The following THRB variants were observed in gnomAD, a reference collection of about 807,000 sequenced individuals.
The protein encoded by THRB is nuclear receptor subfamily 1 group A member 2.
A neutral mutation model predicts 47.8 loss-of-function variants in THRB; 12 were observed. The ratio of observed to expected loss-of-function variants is 0.25; its 90% CI spans 0.16 to 0.41. THRB has a LOEUF of 0.41. Ranked by LOEUF, THRB falls within the 10% of genes least tolerant of loss-of-function variation. THRB has a pLI of 1.00. For missense variants in THRB, 348 were observed against 589.2 expected, an observed-to-expected ratio of 0.59 and a Z score of 4.24; for synonymous variants, 218 against 212.2, an observed-to-expected ratio of 1.03 and a Z score of -0.24.
chr3:24,372,096 A>G (rs574212805), intron 1 of THRB, among the ~76,000 whole-genome samples: 1 of 152,204 alleles, frequency 6.6e-6, no homozygotes, highest in South Asian at 2.1e-4. Context: ...AGACAGATGG[A>G]GCAGGTATTG....
At chr3:24,299,829 T>G (rs1169031307) in intron 2 of THRB, among the ~76,000 whole-genome samples, 1 of 146,126 alleles carries the variant, frequency 6.8e-6, no homozygotes, top group Non-Finnish European at 1.5e-5. Context: ...TTTATACCTT[T>G]AAATGCATGT....
chr3:24,290,813 A>G (rs1436140403), intron 3 of THRB, among the ~76,000 whole-genome samples: 1 of 152,216 alleles, frequency 6.6e-6, no homozygotes, highest in Non-Finnish European at 1.5e-5. Context: ...CCTAGAAGCT[A>G]ATATTTTTCT....
At chr3:24,189,855 C>T (rs2043105064) in intron 5 of THRB, among the ~76,000 whole-genome samples, 1 of 152,208 alleles carries the variant, frequency 6.6e-6, no homozygotes, top group Non-Finnish European at 1.5e-5. Context: ...TGTCCCAGCA[C>T]AACGTGAAAC....
chr3:24,413,215 C>T (rs1381426188), intron 1 of THRB, among the ~76,000 whole-genome samples: 1 of 151,788 alleles, frequency 6.6e-6, no homozygotes, highest in Non-Finnish European at 1.5e-5. Flanking sequence ...TGTGATGCAT[C>T]CAGCAAATGT....
rs148483593 is a variant in THRB, at chr3:24,369,205, G to C, written c.-260-31834C>G. On this transcript the variant is annotated intron_variant, in intron 1 of 10. Transcript: ENST00000646209. Reference sequence around the variant, plus strand: ...TAAATAAATGCCAATGCTGGAAAGAGAAGTAAAAAGGTGGAGACAGAGGGG... The same window carrying C: ...TAAATAAATGCCAATGCTGGAAAGACAAGTAAAAAGGTGGAGACAGAGGGG... Among the ~76,000 whole-genome samples, 279 of 152,208 alleles carry C rather than the reference G, an allele frequency of 1.8e-3. 1 individual carries two copies. Among genetic ancestry groups the C allele is most frequent in the African/African-American group, 6.6e-3 (274 of 41,560 alleles).
rs113786138 is a variant in THRB at position 24,409,206 on chromosome 3, C to T, written c.-260-71835G>A. ...ACCAATCCCTGACTACAGATTTAAA[C>T]GCATGAAAACTAAAGATAAAGGCCC... On this transcript the variant is annotated intron_variant, in intron 1 of 10. Coordinates refer to ENST00000646209, the MANE Select transcript of THRB (RefSeq NM_001354712.2). Among the ~76,000 whole-genome samples the T allele has an allele frequency of 1.4e-4, 21 of 151,832 alleles. No homozygotes were observed. The South Asian group carries it at 3.9e-3, about 29-fold the overall frequency.
intron 5 of THRB, among the ~76,000 whole-genome samples, chr3:24,159,400 C>T (rs559657147): frequency 2.0e-4 from 30 of 152,202 alleles, no homozygotes; most frequent in Non-Finnish European, 3.1e-4. Context: ...TATAAATAAG[C>T]AAACATGATG....
At chr3:24,251,686 C>T (rs1337829567) in intron 3 of THRB, among the ~76,000 whole-genome samples, 1 of 151,770 alleles carries the variant, frequency 6.6e-6, no homozygotes, top group Non-Finnish European at 1.5e-5. Context: ...TCAAGGAACC[C>T]CCCTCCTCTC....
chr3:24,279,052 C>T (rs2054240423), intron 3 of THRB, among the ~76,000 whole-genome samples: 2 of 152,074 alleles, frequency 1.3e-5, no homozygotes, highest in Admixed American at 6.5e-5. Flanking sequence ...ACTATATTGC[C>T]TAGGCTGGTC....
intron 1 of THRB, among the ~76,000 whole-genome samples, chr3:24,429,434 T>C (rs1329649980): frequency 6.6e-6 from 1 of 151,966 alleles, no homozygotes; most frequent in African/African-American, 2.4e-5. Flanking sequence ...CTGTAGAATA[T>C]GGCATGAATG....
rs115263417 is a variant in THRB, at chr3:24,365,565, A to G, written c.-260-28194T>C. Among the ~76,000 whole-genome samples the G allele has an allele frequency of 2.1e-3, 321 of 152,286 alleles. 1 individual carries two copies. The highest frequency in any genetic ancestry group is 7.1e-3 in the African/African-American group (295 of 41,576). On this transcript the variant is annotated intron_variant, in intron 1 of 10. Transcript: ENST00000646209. ...TTACCAGCTTATTATTGTAAACTGG[A>G]TTGTCACTTTGGGAATCACAAAGAA...
At position 24,204,972 on chromosome 3, in the gene THRB, G is replaced by A. The variant is rs552629158; in HGVS notation, c.23-14638C>T. 3.4e-4 allele frequency among the ~76,000 whole-genome samples: 52 copies of A among 152,194 alleles called. No homozygotes were observed. The South Asian group carries it at 7.9e-3, about 23-fold the overall frequency. ...TAGAGAAAAAAGAGTAAAAAGAAACGAACAAAGCCTCCAGGAAATATGGGA... is the reference window on the plus strand; with the variant it reads ...TAGAGAAAAAAGAGTAAAAAGAAACAAACAAAGCCTCCAGGAAATATGGGA... On this transcript the variant is annotated intron_variant, in intron 4 of 10. Transcript: ENST00000646209.
intron 1 of THRB, among the ~76,000 whole-genome samples, chr3:24,445,603 A>T (rs1454656628): frequency 6.6e-6 from 1 of 152,202 alleles, no homozygotes; most frequent in African/African-American, 2.4e-5. Flanking sequence ...CAAAATTTTT[A>T]AAATTTTTTT....
chr3:24,188,263 A>G, intron 5 of THRB, among the ~76,000 whole-genome samples: 1 of 152,214 alleles, frequency 6.6e-6, no homozygotes, highest in East Asian at 1.9e-4. Context: ...AATAATAATG[A>G]CAGTTGCTAT....
chr3:24,226,047 C>T (rs1443051674), intron 4 of THRB, among the ~76,000 whole-genome samples: 9 of 151,990 alleles, frequency 5.9e-5, no homozygotes, highest in African/African-American at 1.4e-4. Flanking sequence ...ATAAGCATTG[C>T]GGTTGAAAGA....
At chr3:24,412,506 C>G (rs1448055045) in intron 1 of THRB, among the ~76,000 whole-genome samples, 1 of 151,688 alleles carries the variant, frequency 6.6e-6, no homozygotes, top group Admixed American at 6.6e-5. Context: ...CTTCATGTAT[C>G]AAAATAAAAG....
chr3:24,456,769 CT>C (rs1553767378), intron 1 of THRB, among the ~76,000 whole-genome samples: 5 of 151,962 alleles, frequency 3.3e-5, no homozygotes, highest in Middle Eastern at 3.4e-3. Context: ...ATCTTATACA[CT>C]GTCTTATTAT....
intron 4 of THRB, among the ~76,000 whole-genome samples, chr3:24,226,775 G>A (rs1053922812): frequency 6.6e-6 from 1 of 152,178 alleles, no homozygotes; most frequent in African/African-American, 2.4e-5. Context: ...ACAAAGTATG[G>A]GCCAAAGCTG....
At chr3:24,441,180 A>G (rs1319185160) in intron 1 of THRB, among the ~76,000 whole-genome samples, 1 of 152,190 alleles carries the variant, frequency 6.6e-6, no homozygotes, top group Admixed American at 6.5e-5. Context: ...TTTCCACTGT[A>G]TGGCAATTTG....
Sources: gnomAD v4.1 joint callset for allele counts (sites outside exome capture counted in the v4.1 genomes callset) on GRCh38, gnomAD v4.1.1 for gene constraint, MANE v1.5 for transcripts, NCBI Gene and HGNC (gene_info 2026-07-23, HGNC 2026-07-21) for gene names.